Variants in GABRG3 observed in about 807,000 individuals in gnomAD.
GABRG3 encodes gamma-aminobutyric acid receptor subunit gamma-3.
GABRG3 carries 25 observed loss-of-function variants against 48.8 expected under a neutral mutation model. That is an observed-to-expected ratio of 0.51 (90% CI 0.37 to 0.72). The LOEUF is 0.72. GABRG3 is among the 30% of genes least tolerant of loss of function. The pLI is 0.00. For missense variants in GABRG3, 394 were observed against 577.9 expected (o/e 0.68, Z 3.26); for synonymous variants, 227 against 217.6 (o/e 1.04, Z -0.38).
At chr15:27,177,967 C>T (rs1213625302) in intron 3 of GABRG3, among the ~76,000 whole-genome samples, 1 of 152,070 alleles carries the variant, frequency 6.6e-6, no homozygotes. Context: ...CCTAAACTCA[C>T]CTAACAGGAC....
chr15:27,234,790 A>G (rs1011369164), intron 3 of GABRG3, among the ~76,000 whole-genome samples: 10 of 152,178 alleles, frequency 6.6e-5, no homozygotes, highest in Non-Finnish European at 1.3e-4. Context: ...TCTCTCATGA[A>G]TGACGTAATA....
chr15:27,039,419 C>T (rs535292063), intron 3 of GABRG3, among the ~76,000 whole-genome samples: 38 of 152,254 alleles, frequency 2.5e-4, no homozygotes, highest in Non-Finnish European at 4.6e-4. Context: ...GGAGTGCAGC[C>T]GGCCTGGTGG....
At chr15:27,248,367 T>A (rs993880440) in intron 3 of GABRG3, among the ~76,000 whole-genome samples, 1 of 152,186 alleles carries the variant, frequency 6.6e-6, no homozygotes, top group African/African-American at 2.4e-5. Context: ...CCAGTGTGGC[T>A]GATGGGTCCA....
rs897938861 is a variant in GABRG3, at chr15:27,218,667, C to T, written c.271-108142C>T. Among the ~76,000 whole-genome samples, 3 of 152,144 alleles carry T rather than the reference C, an allele frequency of 2.0e-5. No individual in the cohort carries two copies. In the South Asian group the frequency reaches 6.2e-4, roughly 32 times the overall value. On this transcript the variant is annotated intron_variant, in intron 3 of 9. Coordinates refer to ENST00000615808, the MANE Select transcript of GABRG3 (RefSeq NM_033223.5). ...CTGAGGCCGAGCTCTGAGAGTGATT[C>T]TCACATCTCATTCCTACCCTCAATG...
At chr15:27,328,547 G>A (rs1017619995) in intron 4 of GABRG3, among the ~76,000 whole-genome samples, 1 of 152,236 alleles carries the variant, frequency 6.6e-6, no homozygotes, top group Non-Finnish European at 1.5e-5. Flanking sequence ...CTGACTTGGC[G>A]TGTATTTCTA....
chr15:27,406,979 G>A (rs1887654430), intron 5 of GABRG3, among the ~76,000 whole-genome samples: 1 of 152,054 alleles, frequency 6.6e-6, no homozygotes, highest in Non-Finnish European at 1.5e-5. Flanking sequence ...CCAGGCTGGA[G>A]TGCAGTGGCA....
intron 5 of GABRG3, among the ~76,000 whole-genome samples, chr15:27,370,473 A>G (rs775128471): frequency 1.3e-5 from 2 of 152,128 alleles, no homozygotes; most frequent in Non-Finnish European, 2.9e-5. Context: ...GTCATCTCCA[A>G]TTTGTTAATG....
intron 3 of GABRG3, among the ~76,000 whole-genome samples, chr15:27,053,783 C>T (rs934568858): frequency 5.9e-5 from 9 of 152,246 alleles, no homozygotes; most frequent in South Asian, 4.1e-4. Context: ...TGAAATACCG[C>T]GCAGCCATTA....
At chr15:27,242,968 C>T (rs368571595) in intron 3 of GABRG3, among the ~76,000 whole-genome samples, 3 of 152,156 alleles carry the variant, frequency 2.0e-5, no homozygotes, top group South Asian at 2.1e-4. Flanking sequence ...TGACTATGTT[C>T]GGATTTTTCC....
chr15:27,470,373 G>A (rs867506101), intron 5 of GABRG3, among the ~76,000 whole-genome samples: 3 of 151,584 alleles, frequency 2.0e-5, no homozygotes, highest in South Asian at 2.1e-4. Context: ...ACAGGTGCAC[G>A]CCGCCATGCC....
intron 5 of GABRG3, among the ~76,000 whole-genome samples, chr15:27,468,632 C>T (rs916561927): frequency 7.9e-5 from 12 of 152,132 alleles, no homozygotes; most frequent in Non-Finnish European, 1.5e-4. Flanking sequence ...CTTGTGACCA[C>T]ACTGTATTAC....
chr15:27,347,438 G>A (rs1894413227), intron 5 of GABRG3, among the ~76,000 whole-genome samples: 1 of 152,230 alleles, frequency 6.6e-6, no homozygotes, highest in Middle Eastern at 3.4e-3. Context: ...GTGCCCCCCA[G>A]TCTATTTCCT....
chr15:27,199,266 A>G (rs994320841), intron 3 of GABRG3, among the ~76,000 whole-genome samples: 2 of 152,168 alleles, frequency 1.3e-5, no homozygotes, highest in African/African-American at 4.8e-5. Flanking sequence ...CTGGTCCTGG[A>G]CGGGATGCAC....
chr15:27,228,907 G>T (rs1325591783), intron 3 of GABRG3, among the ~76,000 whole-genome samples: 2 of 151,902 alleles, frequency 1.3e-5, no homozygotes, highest in African/African-American at 4.8e-5. Context: ...TTTTTAATGG[G>T]GTTTTTTGTT....
At chr15:27,294,377 C>A (rs1891907201) in intron 3 of GABRG3, among the ~76,000 whole-genome samples, 1 of 151,958 alleles carries the variant, frequency 6.6e-6, no homozygotes, top group Admixed American at 6.6e-5. Context: ...CCACCACGCC[C>A]AGCTAATTTT....
chr15:27,194,363 T>C (rs1888429764), intron 3 of GABRG3, among the ~76,000 whole-genome samples: 1 of 152,236 alleles, frequency 6.6e-6, no homozygotes, highest in Admixed American at 6.5e-5. Context: ...CATACTCTTC[T>C]TTCTTTTGTG....
intron 3 of GABRG3, among the ~76,000 whole-genome samples, chr15:27,129,309 A>G (rs1272174697): frequency 6.6e-6 from 1 of 152,206 alleles, no homozygotes; most frequent in Non-Finnish European, 1.5e-5. Context: ...ATCATACAGC[A>G]TCTGTCCTTT....
chr15:27,446,581 G>A (rs1029875474), intron 5 of GABRG3, among the ~76,000 whole-genome samples: 4 of 152,088 alleles, frequency 2.6e-5, no homozygotes, highest in African/African-American at 9.7e-5. Context: ...GTAGTTTTCA[G>A]AGTATAAAAT....
At chr15:27,443,576 A>G (rs985471362) in intron 5 of GABRG3, among the ~76,000 whole-genome samples, 22 of 152,226 alleles carry the variant, frequency 1.4e-4, no homozygotes, top group Non-Finnish European at 1.5e-5. Context: ...AGATAAATTA[A>G]ATATGTTCTA....
Sources: gnomAD v4.1 joint callset for allele counts (sites outside exome capture counted in the v4.1 genomes callset) on GRCh38, gnomAD v4.1.1 for gene constraint, MANE v1.5 for transcripts, NCBI Gene and HGNC (gene_info 2026-07-23, HGNC 2026-07-21) for gene names.